The following SPTAN1 variants were observed in gnomAD, a reference collection of about 807,000 sequenced individuals.
SPTAN1 encodes spectrin alpha, non-erythrocytic 1, also known as spectrin alpha chain, non-erythrocytic 1.
A neutral mutation model predicts 331.3 loss-of-function variants in SPTAN1; 61 were observed. The observed-to-expected ratio is 0.18, with a 90% confidence interval of 0.15 to 0.23. The LOEUF is 0.23. Ranked by LOEUF, SPTAN1 falls within the 10% of genes least tolerant of loss-of-function variation. SPTAN1 has a pLI of 1.00. For missense variants in SPTAN1, 2,043 were observed against 3,147.9 expected, an observed-to-expected ratio of 0.65 and a Z score of 8.40; for synonymous variants, 1,153 against 1,173.9, an observed-to-expected ratio of 0.98 and a Z score of 0.36.
chr9:128,606,333 C>G (rs1589301888), intron 31 of SPTAN1, among the ~76,000 whole-genome samples: 1 of 113,840 alleles, frequency 8.8e-6, no homozygotes, highest in South Asian at 3.4e-4. Flanking sequence ...CGAGATCGCA[C>G]CACCGTACTC....
chr9:128,632,902 C>T lies in SPTAN1; in HGVS notation c.7255C>T (p.Arg2419Trp), dbSNP rs771675198. 5.0e-6 allele frequency: 8 copies of T among 1,613,704 alleles called. No individual in the cohort carries two copies. The highest frequency in any genetic ancestry group is 1.3e-5 in the African/African-American group (1 of 74,938). Residue 2419 changes from arginine (R) to tryptophan (W), a missense_variant, in exon 56 of 57, where the codon CGG (arginine) becomes TGG (tryptophan). Physicochemically the swap from Arg to Trp is moderately radical, Grantham distance 101 (BLOSUM62 -3). Coordinates refer to ENST00000372739, the MANE Select transcript of SPTAN1 (RefSeq NM_001130438.3). ...KSSEEIESAF[R>W]ALSSEGKPYV... ...CAGCGAGGAGATTGAGAGCGCCTTC[C>T]GGGCCCTCAGCTCAGAGGGAAAGCC...
intron 1 of SPTAN1, among the ~76,000 whole-genome samples, chr9:128,557,773 G>A (rs1197232392): frequency 6.8e-6 from 1 of 146,696 alleles, no homozygotes; most frequent in Non-Finnish European, 1.5e-5. Context: ...GAAGCATGCT[G>A]TATCTTTGGA....
chr9:128,618,229 G>C, intron 43 of SPTAN1, 121 bp downstream of exon 43: 1 of 1,474,244 alleles, frequency 6.8e-7, no homozygotes, highest in Non-Finnish European at 9.3e-7. Flanking sequence ...GGCCTCACAT[G>C]TGCCATAGTC....
At chr9:128,568,919 A>T (rs1850344955) in intron 3 of SPTAN1, 22 bp downstream of exon 3, 2 of 1,613,584 alleles carry the variant, frequency 1.2e-6, no homozygotes, top group African/African-American at 2.7e-5. Flanking sequence ...TAGCTCGTGG[A>T]GTGGATGGCT....
rs374893683 is a variant in SPTAN1, at chr9:128,632,648, C to T, written c.7090C>T (p.Leu2364=). The change falls in exon 55 of 57, where the codon CTG becomes TTG. Residue 2364 remains leucine (L), a synonymous_variant. Coordinates refer to ENST00000372739, the MANE Select transcript of SPTAN1 (RefSeq NM_001130438.3). ...KSCLRSLGYD[L]PMVEEGEPDP... ...TTGCCTGCGCTCCCTGGGCTATGAC[C>T]TGCCCATGGTGGAGGAAGGGGAACC... is the stretch of plus-strand genomic sequence containing the variant. The T allele has an allele frequency of 3.2e-5, 52 of 1,613,958 alleles. No individual in the cohort carries two copies. The highest frequency in any genetic ancestry group is 4.0e-5 in the African/African-American group (3 of 74,936).
chr9:128,570,744 C>T (rs1175488751), intron 3 of SPTAN1, among the ~76,000 whole-genome samples: 1 of 151,880 alleles, frequency 6.6e-6, no homozygotes, highest in African/African-American at 2.4e-5. Context: ...GCAACCTCCA[C>T]CTCCCAGTTT....
At chr9:128,599,587 T>C (rs1336915960) in intron 26 of SPTAN1, 2 of 179,416 alleles carry the variant, frequency 1.1e-5, no homozygotes, top group Non-Finnish European at 2.3e-5. Flanking sequence ...GCTGCAGTTA[T>C]AGCCTACTGC....
At chr9:128,584,613 T>A in intron 17 of SPTAN1, 88 bp downstream of exon 17, 1 of 1,613,882 alleles carries the variant, frequency 6.2e-7, no homozygotes, top group South Asian at 1.1e-5. Flanking sequence ...ATGGGCAGGG[T>A]CGAATTTAAA....
intron 3 of SPTAN1, among the ~76,000 whole-genome samples, chr9:128,571,803 A>G (rs1008107799): frequency 2.6e-5 from 4 of 152,052 alleles, no homozygotes; most frequent in African/African-American, 9.7e-5. Context: ...AGATGACTGA[A>G]CTGGAATTTC....
chr9:128,614,622 A>G (rs1268023922), intron 40 of SPTAN1, among the ~76,000 whole-genome samples: 1 of 150,244 alleles, frequency 6.7e-6, no homozygotes, highest in Non-Finnish European at 1.5e-5. Flanking sequence ...ACAAAAATTA[A>G]TTAGCCAAAC....
chr9:128,581,474 C>CAAAAAAAAAAAAA (rs11429372), intron 11 of SPTAN1, among the ~76,000 whole-genome samples: 2 of 133,604 alleles, frequency 1.5e-5, no homozygotes, highest in African/African-American at 2.8e-5. Context: ...TCCTGTCTCA[C>CAAAAAAAAAAAAA]AAAAAAAAAA....
chr9:128,561,383 G>A (rs913059874), intron 1 of SPTAN1, among the ~76,000 whole-genome samples: 1 of 148,132 alleles, frequency 6.8e-6, no homozygotes, highest in Admixed American at 6.8e-5. Flanking sequence ...AAAAAAAAAG[G>A]CCAGGCGCGG....
Position 128,625,251 on chromosome 9 carries a change from A to C in SPTAN1, c.6069+72A>C. ...TGTGAGATGACTGGTGGCGTCTTTC[A>C]CTGAGGCATTTATCTTCTGTTAGCC... On this transcript the variant is annotated intron_variant, in intron 47 of 56. Transcript: ENST00000372739. The surrounding 1 kb of genome is among the most constrained non-coding windows in gnomAD (Gnocchi z 4.1). The C allele has an allele frequency of 1.4e-6, 2 of 1,460,872 alleles. No individual in the cohort carries two copies. Among genetic ancestry groups the C allele is most frequent in the Non-Finnish European group, 1.9e-6 (2 of 1,044,318 alleles). 90.5% of individuals were successfully genotyped at this position (1,460,872 alleles called of 1,614,324 possible). A position where few individuals can be genotyped will look rare whatever the true frequency, so the allele number is the denominator to read the frequency against.
At chr9:128,599,046 A>G in intron 26 of SPTAN1, 60 bp downstream of exon 26, 1 of 1,530,538 alleles carries the variant, frequency 6.5e-7, no homozygotes, top group Non-Finnish European at 9.1e-7. Context: ...TCTTGGGAAG[A>G]ATATCAAGCC....
rs765619208 is a variant in SPTAN1 at position 128,581,901 on chromosome 9, CCTT to C, written c.1572+13_1572+15del. ...AGGAGGAAAAGATTACAGTAAGACCCCTTCTTGTCAGTGCTTTCAAATGACCCT... is the reference window on the plus strand; with the variant it reads ...AGGAGGAAAAGATTACAGTAAGACCCCTTGTCAGTGCTTTCAAATGACCCT... On this transcript the variant is annotated intron_variant, in intron 12 of 56. Coordinates refer to ENST00000372739, the MANE Select transcript of SPTAN1 (RefSeq NM_001130438.3). 5 of 1,583,204 alleles carry C rather than the reference CCTT, an allele frequency of 3.2e-6. No homozygotes were observed. The South Asian group carries it at 5.5e-5, about 18-fold the overall frequency.
chr9:128,620,675 G>A (rs958446975), intron 44 of SPTAN1, among the ~76,000 whole-genome samples: 1 of 151,984 alleles, frequency 6.6e-6, no homozygotes, highest in Non-Finnish European at 1.5e-5. Flanking sequence ...CCAAGATCAC[G>A]CTGCTGCACT....
chr9:128,574,972 G>GCTCTCCAGCTCTCC lies in SPTAN1; in HGVS notation c.504+157_504+158insCTCTCCAGCTCTCC, dbSNP rs765490751. On this transcript the variant is annotated intron_variant, in intron 4 of 56. Transcript: ENST00000372739. ...CTGTCTCTCCAGCTGCTCTCTAGGT[G>GCTCTCCAGCTCTCC]TATGTGCTATTCTGTAACTCTGAAG... Among the ~76,000 whole-genome samples the GCTCTCCAGCTCTCC allele has an allele frequency of 0.026, 3,923 of 152,330 alleles. 76 individuals are homozygous for GCTCTCCAGCTCTCC. Among genetic ancestry groups the GCTCTCCAGCTCTCC allele is most frequent in the Middle Eastern group, 0.048 (14 of 294 alleles).
Position 128,577,081 on chromosome 9 carries a change from C to T in SPTAN1, c.786-48C>T. ...TTGGTCCCATGGGGTGTTCCTAGTT[C>T]TAGGGAGTCATCATTGCTGTGGATT... is the stretch of plus-strand genomic sequence containing the variant. On this transcript the variant is annotated intron_variant, in intron 6 of 56. Transcript: ENST00000372739. This position sits in a 1 kb window ranked among gnomAD's most constrained non-coding sequence, Gnocchi z 4.2. 1.2e-6 allele frequency: 2 copies of T among 1,613,904 alleles called. No individual in the cohort carries two copies. The highest frequency in any genetic ancestry group is 1.7e-6 in the Non-Finnish European group (2 of 1,179,976).
intron 1 of SPTAN1, chr9:128,555,378 G>C (rs1215338509): frequency 7.8e-7 from 1 of 1,289,204 alleles, no homozygotes; most frequent in East Asian, 5.6e-5. Context: ...TGTTGTCATC[G>C]TTTCGTAAAC....
Sources: gnomAD v4.1 joint callset for allele counts (sites outside exome capture counted in the v4.1 genomes callset) on GRCh38, gnomAD v4.1.1 for gene constraint, Gnocchi (gnomAD v3.1) non-coding constraint, MANE v1.5 for transcripts, NCBI Gene and HGNC (gene_info 2026-07-23, HGNC 2026-07-21) for gene names.